The following RBCK1 variants were observed in gnomAD, a reference collection of about 807,000 sequenced individuals.
RBCK1 encodes RANBP2-type and C3HC4-type zinc finger containing 1, also known as ranBP-type and C3HC4-type zinc finger-containing protein 1.
Under a neutral mutation model 71.1 loss-of-function variants are expected in RBCK1, and 44 were observed. That is an observed-to-expected ratio of 0.62 (90% CI 0.49 to 0.80). The LOEUF (loss-of-function observed/expected upper bound fraction) is 0.80, where lower values mean the gene tolerates loss of function less well. RBCK1 is among the 30% of genes least tolerant of loss of function. The pLI is 0.00. For synonymous variants in RBCK1, 306 were observed against 279.7 expected (o/e 1.09, Z -0.94); for missense variants, 569 against 685.0 (o/e 0.83, Z 1.89).
rs2016844228 is a variant in RBCK1, at chr20:428,389, A to G, written c.1210-102A>G. 1 of 696,254 alleles carries G rather than the reference A, an allele frequency of 1.4e-6. No homozygotes were observed. Among genetic ancestry groups the G allele is most frequent in the Admixed American group, 3.1e-5 (1 of 32,280 alleles). 43.1% of individuals were successfully genotyped at this position (696,254 alleles called of 1,614,324 possible). A position where few individuals can be genotyped will look rare whatever the true frequency, so the allele number is the denominator to read the frequency against. On this transcript the variant is annotated intron_variant, in intron 9 of 11. Transcript: ENST00000356286. This position sits in a 1 kb window ranked among gnomAD's most constrained non-coding sequence, Gnocchi z 5.7. ...AGGTCCTGCCAGTGACTACACCTAG[A>G]GGCATTAAGTGCCTTTGTGGACTCC... is the stretch of plus-strand genomic sequence containing the variant.
chr20:423,336 A>G (rs1174702218), intron 8 of RBCK1, among the ~76,000 whole-genome samples: 6 of 152,126 alleles, frequency 3.9e-5, no homozygotes, highest in Non-Finnish European at 8.8e-5. Context: ...AGTGCTTGTC[A>G]CATAGTAAGC....
intron 8 of RBCK1, among the ~76,000 whole-genome samples, chr20:425,173 G>A (rs938128707): frequency 1.3e-5 from 2 of 152,176 alleles, no homozygotes; most frequent in Non-Finnish European, 2.9e-5. Flanking sequence ...GCCATGCCCA[G>A]CTAATTTTTG....
chr20:419,802 C>T, intron 6 of RBCK1, 71 bp downstream of exon 6: 1 of 1,486,142 alleles, frequency 6.7e-7, no homozygotes, highest in Non-Finnish European at 9.0e-7. Context: ...AAGGGAGACA[C>T]CTGCGCACTG....
rs548467650 is a variant in RBCK1 at position 416,154 on chromosome 20, C to CTT, written c.168-1354_168-1353dup. 2.4e-3 allele frequency among the ~76,000 whole-genome samples: 321 copies of CTT among 133,446 alleles called. 3 individuals carry two copies. The highest frequency in any genetic ancestry group is 7.8e-3 in the African/African-American group (278 of 35,546). 87.5% of individuals were successfully genotyped at this position (133,446 alleles called of 152,430 possible). A position where few individuals can be genotyped will look rare whatever the true frequency, so the allele number is the denominator to read the frequency against. ...TAAAGTTTCAATTAGTCAGCAGTCA[C>CTT]TTTTTTTTTTTTTTTTTTTGAGACA... On this transcript the variant is annotated intron_variant, in intron 2 of 11. Coordinates refer to ENST00000356286, the MANE Select transcript of RBCK1 (RefSeq NM_031229.4).
At chr20:420,629 ACTC>A (rs2016334559) in intron 6 of RBCK1, 1 of 851,614 alleles carries the variant, frequency 1.2e-6, no homozygotes, top group African/African-American at 4.3e-5. Context: ...ACCTGGCCTC[ACTC>A]CCAGCCCCGC....
At position 428,150 on chromosome 20, in the gene RBCK1, G is replaced by A. The variant is rs2016833292; in HGVS notation, c.1210-341G>A. 6.6e-6 allele frequency among the ~76,000 whole-genome samples: 1 copy of A among 152,230 alleles called. No individual in the cohort carries two copies. The highest frequency in any genetic ancestry group is 1.5e-5 in the Non-Finnish European group (1 of 68,042). ...TCATTGGGCCTGTAACCCCGGGCAG[G>A]CCCTTGTTAGGGATGCAGGGTCTCA... On this transcript the variant is annotated intron_variant, in intron 9 of 11. Coordinates refer to ENST00000356286, the MANE Select transcript of RBCK1 (RefSeq NM_031229.4). This position sits in a 1 kb window ranked among gnomAD's most constrained non-coding sequence, Gnocchi z 5.7.
At chr20:411,687 A>G (rs1224639659) in intron 2 of RBCK1, among the ~76,000 whole-genome samples, 2 of 152,072 alleles carry the variant, frequency 1.3e-5, no homozygotes, top group East Asian at 3.9e-4. Flanking sequence ...AATTTTTAGA[A>G]AGTCTGTAGA....
intron 7 of RBCK1, 98 bp downstream of exon 7, chr20:421,129 T>A (rs1026972472): frequency 3.6e-6 from 5 of 1,387,626 alleles, no homozygotes; most frequent in Non-Finnish European, 4.7e-6. Flanking sequence ...TGATACCTCA[T>A]TGGACGCCCG....
At chr20:415,015 C>G (rs530020671) in intron 2 of RBCK1, among the ~76,000 whole-genome samples, 1 of 152,164 alleles carries the variant, frequency 6.6e-6, no homozygotes, top group African/African-American at 2.4e-5. Context: ...AGAGCATTTT[C>G]TGGACTGCTT....
rs1012175656 is a variant in RBCK1 at position 428,680 on chromosome 20, C to G, written c.1308+91C>G. 3.5e-6 allele frequency: 5 copies of G among 1,415,214 alleles called. No homozygotes were observed. The highest frequency in any genetic ancestry group is 4.7e-6 in the Non-Finnish European group (5 of 1,055,376). 87.7% of individuals were successfully genotyped at this position (1,415,214 alleles called of 1,614,324 possible). A position where few individuals can be genotyped will look rare whatever the true frequency, so the allele number is the denominator to read the frequency against. On this transcript the variant is annotated intron_variant, in intron 10 of 11. Transcript: ENST00000356286. The surrounding 1 kb of genome is among the most constrained non-coding windows in gnomAD (Gnocchi z 5.7). ...CTTCCCAGTAAGGGCTGTGCTCACA[C>G]ATCCCTGGAGGCTCTGACCTCCCTT...
In RBCK1 at chr20:422,208, G is replaced by A. The variant is rs146181107; in HGVS notation, c.999G>A (p.Ser333=). 29 of 1,613,450 alleles carry A rather than the reference G, an allele frequency of 1.8e-5. No homozygotes were observed. The highest frequency in any genetic ancestry group is 1.0e-4 in the Admixed American group (6 of 60,008). ...TCATTGACAACACCTACTCGTGCTCGGGCAAGCTGCTGGAGAGGGAGATCA... is the reference window on the plus strand; with the variant it reads ...TCATTGACAACACCTACTCGTGCTCAGGCAAGCTGCTGGAGAGGGAGATCA... The part of the protein sequence containing the change: ...CPFIDNTYSC[S]GKLLEREIKA... Residue 333 remains serine (S), a synonymous_variant, in exon 8 of 12, where the codon TCG becomes TCA. Transcript: ENST00000356286. This position sits in a 1 kb window ranked among gnomAD's most constrained non-coding sequence, Gnocchi z 5.0.
Position 427,301 on chromosome 20 carries a change from G to T in RBCK1, c.1030-12G>T. Reference sequence around the variant, plus strand: ...CTGAATCCTGAGCAGCAAGGACATGGTGTGTTGGCAGCTCCTGACCCCTGA... The same window carrying T: ...CTGAATCCTGAGCAGCAAGGACATGTTGTGTTGGCAGCTCCTGACCCCTGA... On this transcript the variant is annotated splice_polypyrimidine_tract_variant and intron_variant, in intron 8 of 11. Coordinates refer to ENST00000356286, the MANE Select transcript of RBCK1 (RefSeq NM_031229.4). 6.2e-7 allele frequency: 1 copy of T among 1,613,302 alleles called. No individual in the cohort carries two copies.
chr20:426,971 G>T (rs2016756887), intron 8 of RBCK1, among the ~76,000 whole-genome samples: 1 of 151,344 alleles, frequency 6.6e-6, no homozygotes, highest in Admixed American at 6.6e-5. Flanking sequence ...GACTACAGGT[G>T]TGAGCACCAC....
chr20:425,699 T>G (rs2122309944), intron 8 of RBCK1, among the ~76,000 whole-genome samples: 1 of 150,888 alleles, frequency 6.6e-6, no homozygotes, highest in Middle Eastern at 3.4e-3. Flanking sequence ...TGATCTTGGC[T>G]CACTGCAACC....
chr20:415,585 T>C lies in RBCK1; in HGVS notation c.168-1941T>C, dbSNP rs547732236. Among the ~76,000 whole-genome samples, 142 of 152,304 alleles carry C rather than the reference T, an allele frequency of 9.3e-4. No homozygotes were observed. In the Middle Eastern group the frequency reaches 0.024, roughly 26 times the overall value. On this transcript the variant is annotated intron_variant, in intron 2 of 11. Coordinates refer to ENST00000356286, the MANE Select transcript of RBCK1 (RefSeq NM_031229.4). ...AGTCCCTTTTACTCTCCTCTATTTT[T>C]ATGCCACTAGTTTTTTTTTTAAGAA...
intron 6 of RBCK1, 113 bp downstream of exon 6, chr20:419,844 C>A: frequency 6.9e-7 from 1 of 1,441,522 alleles, no homozygotes. Context: ...TTGCCCCTCC[C>A]AACCATGCTG....
At position 427,383 on chromosome 20, in the gene RBCK1, T is replaced by C. The variant is rs1268657010; in HGVS notation, c.1100T>C (p.Phe367Ser). The change falls in exon 9 of 12, where the codon TTC (phenylalanine) becomes TCC (serine). Residue 367 changes from phenylalanine to serine, a missense_variant. Phe to Ser is a radical substitution (Grantham distance 155). Transcript: ENST00000356286. ...GISIAENRSA[F>S]SYHCKTPDCK... is the part of the protein sequence containing the mutation. ...TCCATTGCTGAAAACCGCAGTGCCT[T>C]CAGCTACCATTGCAAGACCCCAGAT... The C allele has an allele frequency of 6.2e-7, 1 of 1,614,196 alleles. No individual in the cohort carries two copies. The highest frequency in any genetic ancestry group is 1.3e-5 in the African/African-American group (1 of 75,040).
At chr20:425,009 T>A (rs1284952318) in intron 8 of RBCK1, among the ~76,000 whole-genome samples, 1 of 148,468 alleles carries the variant, frequency 6.7e-6, no homozygotes, top group African/African-American at 2.5e-5. Context: ...CTGGGCAAAT[T>A]TTTTTTTTTT....
Position 408,448 on chromosome 20 carries a change from G to A in RBCK1, c.-310G>A. 2 of 508,230 alleles carry A rather than the reference G, an allele frequency of 3.9e-6. No homozygotes were observed. Among genetic ancestry groups the A allele is most frequent in the Non-Finnish European group, 3.5e-6 (1 of 287,008 alleles). 31.5% of individuals were successfully genotyped at this position (508,230 alleles called of 1,614,324 possible). A position where few individuals can be genotyped will look rare whatever the true frequency, so the allele number is the denominator to read the frequency against. ...GGACTTGGAACGCCCCGGCTGGGTG[G>A]TGTCCGGGCGTCCTTTCCCCGCTTC... is the stretch of plus-strand genomic sequence containing the variant. On this transcript the variant is annotated 5_prime_UTR_variant, in exon 1 of 12. It adds an upstream start codon to the 5' untranslated region. Transcript: ENST00000356286.
Sources: allele counts gnomAD v4.1 joint callset (sites outside exome capture counted in the v4.1 genomes callset), GRCh38; gene constraint gnomAD v4.1.1; non-coding constraint Gnocchi (gnomAD v3.1); transcripts MANE v1.5; gene names NCBI Gene and HGNC (gene_info 2026-07-23, HGNC 2026-07-21).